NXPH2: variants seen among roughly 807,000 people sequenced by gnomAD.
The protein encoded by NXPH2 is neurexophilin 2.
In NXPH2, 5 loss-of-function variants were observed where a neutral mutation model predicts 19.8. That is an observed-to-expected ratio of 0.25 (90% confidence interval 0.13 to 0.53). The LOEUF is 0.53. Ranked by LOEUF, NXPH2 falls within the 20% of genes least tolerant of loss-of-function variation. The pLI is 0.96. For synonymous variants in NXPH2, 154 were observed against 127.4 expected (o/e 1.21, Z -1.41); for missense variants, 289 against 322.8 (o/e 0.90, Z 0.80).
intron 1 of NXPH2, among the ~76,000 whole-genome samples, chr2:138,744,641 C>T (rs111303298): frequency 6.6e-6 from 1 of 152,140 alleles, no homozygotes; most frequent in African/African-American, 2.4e-5. Context: ...GTGCTCCAAG[C>T]CTTCTTCCTT....
At chr2:138,741,302 A>G (rs1033578043) in intron 1 of NXPH2, among the ~76,000 whole-genome samples, 45 of 152,174 alleles carry the variant, frequency 3.0e-4, no homozygotes, top group African/African-American at 9.9e-4. Context: ...AGCTGTGGGC[A>G]TCACTGGCCC....
At chr2:138,750,268 G>A (rs1334734711) in intron 1 of NXPH2, among the ~76,000 whole-genome samples, 1 of 152,110 alleles carries the variant, frequency 6.6e-6, no homozygotes, top group Non-Finnish European at 1.5e-5. Context: ...GAATGTAAAA[G>A]TTGTGTTCTG....
At chr2:138,769,482 G>A (rs1260585174) in intron 1 of NXPH2, among the ~76,000 whole-genome samples, 1 of 152,154 alleles carries the variant, frequency 6.6e-6, no homozygotes, top group African/African-American at 2.4e-5. Context: ...AAAGAGAAAA[G>A]GATGCCAAAA....
intron 1 of NXPH2, among the ~76,000 whole-genome samples, chr2:138,761,966 C>T (rs1275037535): frequency 1.3e-5 from 2 of 152,116 alleles, no homozygotes; most frequent in Non-Finnish European, 2.9e-5. Flanking sequence ...CTGGTTAAAA[C>T]CGAGTAGCAT....
At chr2:138,767,362 A>C (rs374497772) in intron 1 of NXPH2, among the ~76,000 whole-genome samples, 16 of 152,326 alleles carry the variant, frequency 1.1e-4, no homozygotes, top group African/African-American at 3.8e-4. Context: ...CCTTTGCTCT[A>C]TCTCTCTCTT....
chr2:138,737,508 C>T (rs1371502507), intron 1 of NXPH2, among the ~76,000 whole-genome samples: 1 of 152,186 alleles, frequency 6.6e-6, no homozygotes, highest in African/African-American at 2.4e-5. Context: ...ATGGGAGCTA[C>T]AATTCAAGAC....
chr2:138,741,713 A>T (rs1423861982), intron 1 of NXPH2, among the ~76,000 whole-genome samples: 1 of 152,222 alleles, frequency 6.6e-6, no homozygotes, highest in Non-Finnish European at 1.5e-5. Flanking sequence ...AGTGGATTAC[A>T]TACTTTCTGC....
intron 1 of NXPH2, among the ~76,000 whole-genome samples, chr2:138,742,161 A>G (rs1433402681): frequency 6.6e-6 from 1 of 152,102 alleles, no homozygotes; most frequent in East Asian, 1.9e-4. Flanking sequence ...TGTTTTATTG[A>G]TCTTCCAAAG....
At position 138,742,345 on chromosome 2, in the gene NXPH2, C is replaced by T. The variant is rs972810383; in HGVS notation, c.51+37846G>A. 4.0e-5 allele frequency among the ~76,000 whole-genome samples: 6 copies of T among 151,298 alleles called. No individual in the cohort carries two copies. The East Asian group carries it at 1.2e-3, about 29-fold the overall frequency. Reference sequence around the variant, plus strand: ...TGAGGAATCCTGGAATAAAGTGAGGCCTTTTTAACACAGCATATTTGGAAA... The same window carrying T: ...TGAGGAATCCTGGAATAAAGTGAGGTCTTTTTAACACAGCATATTTGGAAA... On this transcript the variant is annotated intron_variant, in intron 1 of 1. Coordinates refer to ENST00000272641, the MANE Select transcript of NXPH2 (RefSeq NM_007226.3).
chr2:138,728,447 C>T (rs1681392502), intron 1 of NXPH2, among the ~76,000 whole-genome samples: 1 of 152,126 alleles, frequency 6.6e-6, no homozygotes. Context: ...CCATGTATAA[C>T]AATAACATGT....
intron 1 of NXPH2, among the ~76,000 whole-genome samples, chr2:138,713,524 G>C (rs1558919919): frequency 6.6e-6 from 1 of 152,090 alleles, no homozygotes; most frequent in African/African-American, 2.4e-5. Context: ...TATAGGAAAG[G>C]AAAACATGAT....
intron 1 of NXPH2, among the ~76,000 whole-genome samples, chr2:138,749,124 C>T (rs1212163240): frequency 1.3e-5 from 2 of 152,092 alleles, no homozygotes; most frequent in Non-Finnish European, 2.9e-5. Flanking sequence ...GGGGCAGTTT[C>T]CCCCATGCTA....
At chr2:138,764,739 A>G (rs1405902146) in intron 1 of NXPH2, among the ~76,000 whole-genome samples, 1 of 152,218 alleles carries the variant, frequency 6.6e-6, no homozygotes, top group African/African-American at 2.4e-5. Context: ...GTTGCAATGA[A>G]CTACAAATTA....
chr2:138,695,730 T>C (rs1259438283), intron 1 of NXPH2, among the ~76,000 whole-genome samples: 5 of 152,054 alleles, frequency 3.3e-5, no homozygotes, highest in Non-Finnish European at 5.9e-5. Flanking sequence ...AGATTTTACA[T>C]ATTATCAAGA....
At position 138,669,865 on chromosome 2, in the gene NXPH2, T is replaced by C. The variant is rs922228871; in HGVS notation, c.*1057A>G. Among the ~76,000 whole-genome samples, 2 of 152,214 alleles carry C rather than the reference T, an allele frequency of 1.3e-5. No individual in the cohort carries two copies. Among genetic ancestry groups the C allele is most frequent in the African/African-American group, 4.8e-5 (2 of 41,464 alleles). On this transcript the variant is annotated 3_prime_UTR_variant, in exon 2 of 2. Transcript: ENST00000272641. ...GTTGTCAGCACTTAATAATTAGAAA[T>C]GTTTAAATATAACTCTCTATTTCCA... is the stretch of plus-strand genomic sequence containing the variant.
intron 1 of NXPH2, among the ~76,000 whole-genome samples, chr2:138,690,403 C>A (rs1274802724): frequency 6.6e-6 from 1 of 152,094 alleles, no homozygotes; most frequent in Non-Finnish European, 1.5e-5. Flanking sequence ...TACATCCAGG[C>A]CATGTCCCTC....
intron 1 of NXPH2, among the ~76,000 whole-genome samples, chr2:138,691,551 C>T (rs1680747114): frequency 6.6e-6 from 1 of 152,188 alleles, no homozygotes; most frequent in Non-Finnish European, 1.5e-5. Flanking sequence ...CCTAATCTCC[C>T]TTTGCCTAAT....
At chr2:138,770,619 T>C (rs886452587) in intron 1 of NXPH2, among the ~76,000 whole-genome samples, 5 of 151,834 alleles carry the variant, frequency 3.3e-5, no homozygotes, top group African/African-American at 1.2e-4. Flanking sequence ...AATAACTGAG[T>C]TCAGAAATAG....
intron 1 of NXPH2, among the ~76,000 whole-genome samples, chr2:138,735,171 T>C (rs1278858828): frequency 6.6e-6 from 1 of 152,240 alleles, no homozygotes; most frequent in African/African-American, 2.4e-5. Flanking sequence ...ATCAGCCTCC[T>C]ATAATTCCAT....
Sources: allele counts gnomAD v4.1 joint callset (sites outside exome capture counted in the v4.1 genomes callset), GRCh38; gene constraint gnomAD v4.1.1; transcripts MANE v1.5; gene names NCBI Gene and HGNC (gene_info 2026-07-23, HGNC 2026-07-21).